Variants in ZNF718 observed in about 807,000 individuals in gnomAD.
ZNF718 encodes zinc finger protein 718.
A neutral mutation model predicts 2.6 loss-of-function variants in ZNF718; 3 were observed. The observed-to-expected ratio is 1.16, with a 90% CI of 0.53 to 3.01. The LOEUF is 3.01. ZNF718 is among the 30% of genes most tolerant of loss of function. The probability of loss-of-function intolerance (pLI) is 0.03; values close to 1 mark genes in which losing one functional copy is unlikely to be tolerated. For synonymous variants in ZNF718, 135 were observed against 77.9 expected, an observed-to-expected ratio of 1.73 and a Z score of -3.86; for missense variants, 468 against 230.0, an observed-to-expected ratio of 2.03 and a Z score of -6.69.
At chr4:181,165 T>C (rs1470152405) in intron 3 of ZNF718, among the ~76,000 whole-genome samples, 1 of 138,252 alleles carries the variant, frequency 7.2e-6, no homozygotes, top group Admixed American at 7.3e-5. Context: ...CAGCTTTTTT[T>C]TTTTTTTTTT....
intron 3 of ZNF718, among the ~76,000 whole-genome samples, chr4:151,383 G>A (rs546216267): frequency 6.6e-6 from 1 of 152,262 alleles, no homozygotes; most frequent in Admixed American, 6.5e-5. Flanking sequence ...TAGGATTACA[G>A]GCATGAGCCA....
rs1306723796 is a variant in ZNF718 at position 162,115 on chromosome 4, A to C, written c.1430A>C (p.Lys477Thr). The change falls in exon 4 of 4, where the codon AAA (lysine) becomes ACA (threonine). Residue 477 changes from lysine to threonine, a missense_variant. By Grantham distance (78) the Lys-to-Thr change is moderately conservative. Transcript: ENST00000510175. ...CATAAGAGAACTCATACTGGAGGAA[A>C]ATTTTAGAAATGTGAAGAATGTGGG... ...PQHKRTHTGG[K>T]F is the part of the protein sequence containing the mutation. 2 of 729,860 alleles carry C rather than the reference A, an allele frequency of 2.7e-6. No individual in the cohort carries two copies. The highest frequency in any genetic ancestry group is 2.5e-5 in the East Asian group (1 of 40,760). The allele number at this position is 729,860 out of a possible 1,614,324, so 45.2% of individuals were successfully genotyped here.
rs1274234950 is a variant in ZNF718 at position 161,079 on chromosome 4, A to G, written c.394A>G (p.Asn132Asp). ...KVQKGGYNRINQCLLTTQKKT... is the reference protein window; with the variant it reads ...KVQKGGYNRIDQCLLTTQKKT... ...GCAGAAAGGTGGTTATAATAGAATT[A>G]ACCAATGCTTATTAACTACCCAGAA... The change falls in exon 4 of 4, where the codon AAC becomes GAC. Residue 132 changes from asparagine to aspartate, a missense_variant. Transcript: ENST00000510175. 7 of 777,608 alleles carry G rather than the reference A, an allele frequency of 9.0e-6. No individual in the cohort carries two copies. Among genetic ancestry groups the G allele is most frequent in the Non-Finnish European group, 1.7e-5 (7 of 416,194 alleles). The allele number at this position is 777,608 out of a possible 1,614,324, so 48.2% of individuals were successfully genotyped here.
chr4:142,811 T>A (rs1398527803), intron 3 of ZNF718, among the ~76,000 whole-genome samples: 2 of 152,236 alleles, frequency 1.3e-5, no homozygotes, highest in Non-Finnish European at 2.9e-5. Context: ...AAGAAATTGC[T>A]TAGTTAAGTA....
chr4:146,124 T>C (rs1410084915), intron 3 of ZNF718, among the ~76,000 whole-genome samples: 5 of 150,670 alleles, frequency 3.3e-5, no homozygotes, highest in African/African-American at 4.9e-5. Flanking sequence ...ATTTATACTT[T>C]TATATGTTTT....
chr4:150,222 A>G (rs1716255586), intron 3 of ZNF718: 1 of 152,158 alleles, frequency 6.6e-6, no homozygotes, highest in East Asian at 1.9e-4. Context: ...TATATGTCAC[A>G]TTTTAAAAAT....
At chr4:134,225 C>T (rs1488511619) in intron 3 of ZNF718, among the ~76,000 whole-genome samples, 1 of 152,154 alleles carries the variant, frequency 6.6e-6, no homozygotes, top group Admixed American at 6.5e-5. Flanking sequence ...CTACTCACTG[C>T]AAGGTCTGCC....
At chr4:170,736 T>G (rs1165146467) in intron 3 of ZNF718, among the ~76,000 whole-genome samples, 1 of 152,190 alleles carries the variant, frequency 6.6e-6, no homozygotes, top group Non-Finnish European at 1.5e-5. Flanking sequence ...ATTATTCTAG[T>G]TAGCCATTCG....
intron 3 of ZNF718, among the ~76,000 whole-genome samples, chr4:174,659 G>A (rs1250123355): frequency 6.6e-6 from 1 of 152,202 alleles, no homozygotes; most frequent in African/African-American, 2.4e-5. Context: ...TTGTCAGCCT[G>A]TCGAGGCTAT....
chr4:177,941 C>G (rs142199477), intron 3 of ZNF718, among the ~76,000 whole-genome samples: 1 of 151,918 alleles, frequency 6.6e-6, no homozygotes, highest in African/African-American at 2.4e-5. Context: ...AAAGACAACC[C>G]GAAACATGTA....
In ZNF718 at chr4:130,894, A is replaced by T; in HGVS notation, c.110A>T (p.Tyr37Phe). Residue 37 changes from tyrosine (Y) to phenylalanine (F), a missense_variant, in exon 2 of 4, where the codon TAC becomes TTC. Transcript: ENST00000510175. ...TATAGAGATGTGATGTTGGAGAACTACAGAAACCTGGTCTCCCTGGGTAAG... is the reference window on the plus strand; with the variant it reads ...TATAGAGATGTGATGTTGGAGAACTTCAGAAACCTGGTCTCCCTGGGTAAG... The part of the protein sequence containing the change: ...NLYRDVMLEN[Y>F]RNLVSLGVSI... The T allele has an allele frequency of 5.5e-6, 2 of 363,640 alleles. 1 individual carries two copies. Among genetic ancestry groups the T allele is most frequent in the Non-Finnish European group, 9.9e-6 (2 of 202,728 alleles). The allele number at this position is 363,640 out of a possible 1,614,324, so 22.5% of individuals were successfully genotyped here.
intron 3 of ZNF718, among the ~76,000 whole-genome samples, chr4:135,977 A>G (rs928872059): frequency 6.6e-6 from 1 of 152,018 alleles, no homozygotes; most frequent in African/African-American, 2.4e-5. Flanking sequence ...TTCTGTAACT[A>G]TAACAATGAT....
chr4:170,576 T>G (rs1226704334), intron 3 of ZNF718, among the ~76,000 whole-genome samples: 1 of 152,168 alleles, frequency 6.6e-6, no homozygotes, highest in African/African-American at 2.4e-5. Flanking sequence ...TAAACTTCTC[T>G]TCTCACTTCA....
chr4:168,865 T>A (rs556107525), downstream of ZNF718, among the ~76,000 whole-genome samples: 5 of 152,352 alleles, frequency 3.3e-5, no homozygotes, highest in South Asian at 1.0e-3. Flanking sequence ...AATTCTGCTC[T>A]GATCTTAGTT....
At chr4:130,212 T>G (rs1220621934) in intron 1 of ZNF718, among the ~76,000 whole-genome samples, 1 of 103,736 alleles carries the variant, frequency 9.6e-6, no homozygotes, top group Non-Finnish European at 2.1e-5. Context: ...TAAGAAGACT[T>G]GCAATAACAG....
chr4:152,767 T>G (rs1274906210), intron 3 of ZNF718, among the ~76,000 whole-genome samples: 2 of 152,112 alleles, frequency 1.3e-5, no homozygotes, highest in East Asian at 3.9e-4. Context: ...ATGTGATATT[T>G]TATTGTGGTT....
chr4:184,960 T>A (rs1462125235), intron 3 of ZNF718, among the ~76,000 whole-genome samples: 1 of 152,178 alleles, frequency 6.6e-6, no homozygotes, highest in Non-Finnish European at 1.5e-5. Context: ...GCTCCTGGAT[T>A]TGTTGACATT....
intron 3 of ZNF718, among the ~76,000 whole-genome samples, chr4:182,079 G>A (rs1299671055): frequency 6.6e-6 from 1 of 152,110 alleles, no homozygotes; most frequent in Non-Finnish European, 1.5e-5. Flanking sequence ...TGGGCATTTA[G>A]ATTCATCCCA....
rs1300616323 is a variant in ZNF718, at chr4:133,690, C to T, written c.226+2185C>T. On this transcript the variant is annotated intron_variant, in intron 3 of 3. Transcript: ENST00000510175. ...GAATTTAATACAAGAGTTATGTTTG[C>T]ATGACATATAGCAACAATGTTCATT... Among the ~76,000 whole-genome samples, 4 of 152,162 alleles carry T rather than the reference C, an allele frequency of 2.6e-5. No individual in the cohort carries two copies. In the East Asian group the frequency reaches 7.7e-4, roughly 29 times the overall value.
Sources: gnomAD v4.1 joint callset for allele counts (sites outside exome capture counted in the v4.1 genomes callset) on GRCh38, gnomAD v4.1.1 for gene constraint, MANE v1.5 for transcripts, NCBI Gene and HGNC (gene_info 2026-07-23, HGNC 2026-07-21) for gene names.